The following TRPC7 variants were observed in gnomAD, a reference collection of about 807,000 sequenced individuals.
The protein encoded by TRPC7 is transient receptor potential cation channel subfamily C member 7, also known as short transient receptor potential channel 7.
A neutral mutation model predicts 90.1 loss-of-function variants in TRPC7; 42 were observed. That is an observed-to-expected ratio of 0.47 (90% CI 0.36 to 0.60). TRPC7 has a LOEUF of 0.60. Ranked by LOEUF, TRPC7 falls within the 20% of genes least tolerant of loss-of-function variation. The pLI is 0.00. For synonymous variants in TRPC7, 451 were observed against 436.3 expected, an observed-to-expected ratio of 1.03 and a Z score of -0.42; for missense variants, 955 against 1,112.3, an observed-to-expected ratio of 0.86 and a Z score of 2.01.
At chr5:136,290,642 G>A (rs1199391018) in intron 3 of TRPC7, among the ~76,000 whole-genome samples, 1 of 152,236 alleles carries the variant, frequency 6.6e-6, no homozygotes, top group African/African-American at 2.4e-5. Flanking sequence ...GGGACTATGT[G>A]AAAAGACCAA....
At chr5:136,239,510 C>T (rs956459146) in intron 7 of TRPC7, among the ~76,000 whole-genome samples, 2 of 152,344 alleles carry the variant, frequency 1.3e-5, no homozygotes, top group South Asian at 4.1e-4. Context: ...ACAGGTAAAC[C>T]GGCAGTAGGC....
chr5:136,323,645 A>G (rs1340481480), intron 2 of TRPC7, among the ~76,000 whole-genome samples: 3 of 152,198 alleles, frequency 2.0e-5, no homozygotes, highest in African/African-American at 7.2e-5. Flanking sequence ...CATTGACCAC[A>G]TTTGTATGAG....
intron 5 of TRPC7, among the ~76,000 whole-genome samples, chr5:136,253,249 T>C (rs1756582899): frequency 6.6e-6 from 1 of 152,226 alleles, no homozygotes; most frequent in Non-Finnish European, 1.5e-5. Context: ...TTGCTTGCCC[T>C]GTATTTCTAT....
intron 3 of TRPC7, 86 bp downstream of exon 3, chr5:136,315,511 A>G (rs1159349983): frequency 6.9e-7 from 1 of 1,446,854 alleles, no homozygotes; most frequent in Non-Finnish European, 9.5e-7. Flanking sequence ...CTGTGGGAAC[A>G]TAAAATAGAC....
intron 2 of TRPC7, among the ~76,000 whole-genome samples, chr5:136,347,176 C>T (rs75562165): frequency 0.31 from 46,592 of 152,050 alleles, 7,889 homozygotes; most frequent in Admixed American, 0.42. Context: ...ACCTCTAGCC[C>T]TCAGTACTGT....
intron 3 of TRPC7, among the ~76,000 whole-genome samples, chr5:136,289,995 G>C (rs1757880481): frequency 1.3e-5 from 2 of 152,164 alleles, no homozygotes; most frequent in African/African-American, 4.8e-5. Context: ...AATATCAGCT[G>C]TTCTGCAGCC....
intron 3 of TRPC7, among the ~76,000 whole-genome samples, chr5:136,293,791 T>C (rs1270034352): frequency 6.6e-6 from 1 of 152,168 alleles, no homozygotes; most frequent in African/African-American, 2.4e-5. Context: ...AAAAAACTAC[T>C]TTAAAGTTCA....
intron 1 of TRPC7, among the ~76,000 whole-genome samples, chr5:136,361,333 T>C (rs1027269439): frequency 6.6e-6 from 1 of 152,190 alleles, no homozygotes; most frequent in African/African-American, 2.4e-5. Flanking sequence ...ACAATTAACA[T>C]TTGATGTCAT....
At chr5:136,357,968 G>A (rs1054167152) in intron 1 of TRPC7, among the ~76,000 whole-genome samples, 2 of 152,122 alleles carry the variant, frequency 1.3e-5, no homozygotes, top group Admixed American at 6.5e-5. Context: ...GGCTGCCTTC[G>A]GTTCAGATGT....
intron 6 of TRPC7, among the ~76,000 whole-genome samples, chr5:136,248,623 G>T (rs1275034210): frequency 3.3e-5 from 5 of 152,200 alleles, no homozygotes; most frequent in African/African-American, 9.7e-5. Flanking sequence ...AGTCAGGCAG[G>T]TTTGCCACGA....
rs2149815505 is a variant in TRPC7, at chr5:136,274,843, A to C, written c.964-6T>G. ...CAGTTAGGATGAGCAACGAACTGTA[A>C]AAACAAAACAAAAACAAAAACAAAA... On this transcript the variant is annotated splice_region_variant and splice_polypyrimidine_tract_variant and intron_variant, in intron 3 of 11. Transcript: ENST00000513104. The C allele has an allele frequency of 6.4e-7, 1 of 1,553,590 alleles. No individual in the cohort carries two copies. Among genetic ancestry groups the C allele is most frequent in the East Asian group, 2.4e-5 (1 of 41,146 alleles).
At chr5:136,302,248 G>A (rs188395544) in intron 3 of TRPC7, among the ~76,000 whole-genome samples, 2 of 152,318 alleles carry the variant, frequency 1.3e-5, no homozygotes, top group African/African-American at 4.8e-5. Flanking sequence ...GTCAGACCAC[G>A]CAGGGACGCC....
intron 7 of TRPC7, among the ~76,000 whole-genome samples, chr5:136,243,734 G>A (rs13157486): frequency 0.45 from 68,070 of 151,472 alleles, 15,302 homozygotes; most frequent in East Asian, 0.54. Flanking sequence ...GCAGTCAAAA[G>A]GTAAAAGATG....
intron 11 of TRPC7, among the ~76,000 whole-genome samples, chr5:136,215,438 T>C (rs550099265): frequency 6.6e-6 from 1 of 152,132 alleles, no homozygotes; most frequent in South Asian, 2.1e-4. Flanking sequence ...AGGTGGCAAA[T>C]AGAATTCAGG....
chr5:136,330,138 C>T (rs1285982236), intron 2 of TRPC7, among the ~76,000 whole-genome samples: 1 of 152,148 alleles, frequency 6.6e-6, no homozygotes, highest in Non-Finnish European at 1.5e-5. Context: ...GGAAGCAGTC[C>T]CACCTGTCCC....
chr5:136,242,319 C>T (rs1024744134), intron 7 of TRPC7, among the ~76,000 whole-genome samples: 2 of 152,146 alleles, frequency 1.3e-5, no homozygotes, highest in African/African-American at 4.8e-5. Flanking sequence ...TAATGAGTTG[C>T]CAGCAGGTGT....
chr5:136,293,327 T>C (rs10036306), intron 3 of TRPC7, among the ~76,000 whole-genome samples: 28,062 of 152,084 alleles, frequency 0.18, 4,145 homozygotes, highest in African/African-American at 0.4. Context: ...GGGTATTCAA[T>C]TAGGAAAAGA....
intron 3 of TRPC7, among the ~76,000 whole-genome samples, chr5:136,303,104 C>T (rs1758462584): frequency 6.6e-6 from 1 of 152,150 alleles, no homozygotes; most frequent in Admixed American, 6.5e-5. Context: ...CCCACCTGCC[C>T]AGCAATTTAC....
intron 3 of TRPC7, among the ~76,000 whole-genome samples, chr5:136,291,851 A>G (rs530673703): frequency 1.1e-4 from 16 of 152,314 alleles, no homozygotes; most frequent in African/African-American, 3.4e-4. Flanking sequence ...TCTTTTCAGC[A>G]CCACACCACA....
Sources: gnomAD v4.1 joint callset for allele counts (sites outside exome capture counted in the v4.1 genomes callset) on GRCh38, gnomAD v4.1.1 for gene constraint, MANE v1.5 for transcripts, NCBI Gene and HGNC (gene_info 2026-07-23, HGNC 2026-07-21) for gene names.